Variants in SLC13A3 observed in about 807,000 individuals in gnomAD.
SLC13A3 encodes Na(+)/dicarboxylate cotransporter 3.
A neutral mutation model predicts 59.0 loss-of-function variants in SLC13A3; 40 were observed. The observed-to-expected ratio is 0.68, with a 90% CI of 0.53 to 0.88. The LOEUF (loss-of-function observed/expected upper bound fraction) is 0.88, where lower values mean the gene tolerates loss of function less well. SLC13A3 is among the 40% of genes least tolerant of loss of function. The pLI, the probability that SLC13A3 is intolerant of heterozygous loss-of-function variation, is 0.00. For missense variants in SLC13A3, 699 were observed against 783.2 expected, an observed-to-expected ratio of 0.89 and a Z score of 1.28; for synonymous variants, 317 against 330.3, an observed-to-expected ratio of 0.96 and a Z score of 0.44.
intron 10 of SLC13A3, among the ~76,000 whole-genome samples, chr20:46,571,223 C>T (rs2062026200): frequency 6.6e-6 from 1 of 152,166 alleles, no homozygotes; most frequent in Admixed American, 6.5e-5. Flanking sequence ...ATGGGAACTA[C>T]ACAATTCAGG....
At chr20:46,580,153 G>A (rs563477670) in intron 9 of SLC13A3, among the ~76,000 whole-genome samples, 208 of 152,118 alleles carry the variant, frequency 1.4e-3, no homozygotes, top group African/African-American at 4.1e-3. Context: ...ACAGGGTTTC[G>A]CCATGTTGGC....
chr20:46,613,350 C>T (rs1176277329), intron 2 of SLC13A3, 110 bp downstream of exon 2: 17 of 653,848 alleles, frequency 2.6e-5, no homozygotes, highest in Admixed American at 7.1e-5. Flanking sequence ...TGGTGGGAAC[C>T]GATGAGTTTC....
chr20:46,594,444 C>T (rs1285239456), intron 5 of SLC13A3, among the ~76,000 whole-genome samples: 1 of 152,118 alleles, frequency 6.6e-6, no homozygotes, highest in Non-Finnish European at 1.5e-5. Context: ...CCAACCTAGG[C>T]TCTGCTCTCC....
chr20:46,593,566 AATAAGT>A (rs1600531283), intron 5 of SLC13A3, among the ~76,000 whole-genome samples: 1 of 152,206 alleles, frequency 6.6e-6, no homozygotes, highest in East Asian at 1.9e-4. Context: ...TTCTACAATG[AATAAGT>A]ATACCTCTAT....
At chr20:46,683,338 T>C (rs114433896) in intron 1 of SLC13A3, among the ~76,000 whole-genome samples, 2,145 of 152,224 alleles carry the variant, frequency 0.014, 47 homozygotes, top group African/African-American at 0.049. Flanking sequence ...GCTGTGCCAA[T>C]AGAGAAGGGC....
chr20:46,631,473 G>A (rs1320156271), intron 1 of SLC13A3, among the ~76,000 whole-genome samples: 8 of 152,176 alleles, frequency 5.3e-5, no homozygotes, highest in Non-Finnish European at 7.3e-5. Context: ...AGACCATTGT[G>A]CCCTGGGCTT....
intron 10 of SLC13A3, among the ~76,000 whole-genome samples, chr20:46,571,347 A>C (rs982479747): frequency 2.6e-5 from 4 of 152,198 alleles, no homozygotes; most frequent in African/African-American, 9.7e-5. Flanking sequence ...CTATCACCGC[A>C]ACATATTTGT....
upstream of SLC13A3, among the ~76,000 whole-genome samples, chr20:46,673,510 T>A (rs949345699): frequency 9.2e-5 from 14 of 152,098 alleles, no homozygotes; most frequent in African/African-American, 3.4e-4. Context: ...TCTGCCTGGA[T>A]CTCCCTGTGC....
At chr20:46,667,854 G>T (rs1340913971) in intron 1 of SLC13A3, among the ~76,000 whole-genome samples, 1 of 152,108 alleles carries the variant, frequency 6.6e-6, no homozygotes, top group African/African-American at 2.4e-5. Flanking sequence ...ATGTTTCTAG[G>T]TCACATTTTG....
At chr20:46,665,663 C>T (rs1258425639) in intron 1 of SLC13A3, among the ~76,000 whole-genome samples, 1 of 152,172 alleles carries the variant, frequency 6.6e-6, no homozygotes, top group Non-Finnish European at 1.5e-5. Context: ...CACATTTGGA[C>T]CGTTTGAACT....
At position 46,613,653 on chromosome 20, in the gene SLC13A3, T is replaced by C. The variant is rs1373858183; in HGVS notation, c.184A>G (p.Thr62Ala). 2.2e-5 allele frequency: 36 copies of C among 1,612,296 alleles called. No homozygotes were observed. Among genetic ancestry groups the C allele is most frequent in the Non-Finnish European group, 2.9e-5 (34 of 1,179,340 alleles). Residue 62 changes from threonine to alanine, a missense_variant, in exon 2 of 13, where the codon ACG (threonine) becomes GCG (alanine). Transcript: ENST00000279027. The part of the protein sequence containing the change: ...WCTEALPLSV[T>A]ALLPIVLFPF... ...AAGAGGACGATGGGCAGCAGCGCCG[T>C]CACTGAGAGCGGCAGGGCCTCCGTG... is the stretch of plus-strand genomic sequence containing the variant.
chr20:46,581,524 T>C (rs1025707159), intron 9 of SLC13A3, among the ~76,000 whole-genome samples: 35 of 151,468 alleles, frequency 2.3e-4, no homozygotes, highest in African/African-American at 8.3e-4. Flanking sequence ...TGGGCTGAAG[T>C]TGGGTGAGGA....
At chr20:46,563,978 C>T (rs964389571) in intron 11 of SLC13A3, among the ~76,000 whole-genome samples, 2 of 152,226 alleles carry the variant, frequency 1.3e-5, no homozygotes, top group African/African-American at 4.8e-5. Context: ...GCCCACATGG[C>T]TGGCCCCACC....
chr20:46,559,554 G>C lies in SLC13A3; in HGVS notation c.*468C>G, dbSNP rs2061913109. On this transcript the variant is annotated 3_prime_UTR_variant, in exon 13 of 13. Transcript: ENST00000279027. ...CAAAATCACACACTGGTTGTGAACA[G>C]CTGGAACAACTGGGTTGGAACATTG... is the stretch of plus-strand genomic sequence containing the variant. The C allele has an allele frequency of 6.5e-6, 1 of 153,098 alleles. No homozygotes were observed. Among genetic ancestry groups the C allele is most frequent in the Non-Finnish European group, 1.5e-5 (1 of 68,660 alleles). 9.5% of individuals were successfully genotyped at this position (153,098 alleles called of 1,614,324 possible). A position where few individuals can be genotyped will look rare whatever the true frequency, so the allele number is the denominator to read the frequency against.
upstream of SLC13A3, among the ~76,000 whole-genome samples, chr20:46,671,230 A>T (rs2063089547): frequency 6.6e-6 from 1 of 152,260 alleles, no homozygotes. Context: ...CTGAAGCGGG[A>T]ATACAAGTTC....
chr20:46,670,559 A>G (rs2063085300), upstream of SLC13A3, among the ~76,000 whole-genome samples: 1 of 152,196 alleles, frequency 6.6e-6, no homozygotes, highest in Admixed American at 6.5e-5. Flanking sequence ...TTGGCAGCCA[A>G]TGTCACACCA....
upstream of SLC13A3, among the ~76,000 whole-genome samples, chr20:46,655,912 ATT>A (rs2122899237): frequency 7.0e-6 from 1 of 142,644 alleles, no homozygotes; most frequent in Admixed American, 7.2e-5. Flanking sequence ...TGTACAGTAT[ATT>A]ATATATACGT....
At chr20:46,620,437 G>A (rs1374720902) in intron 1 of SLC13A3, among the ~76,000 whole-genome samples, 3 of 152,132 alleles carry the variant, frequency 2.0e-5, no homozygotes, top group South Asian at 2.1e-4. Flanking sequence ...AGGATAGTTC[G>A]AAAACAGCCC....
At chr20:46,654,839 C>T (rs190215561), upstream of SLC13A3, among the ~76,000 whole-genome samples, 2 of 152,282 alleles carry the variant, frequency 1.3e-5, no homozygotes, top group East Asian at 3.9e-4. Context: ...CCAAGAACTT[C>T]CTTTAATCAT....
Sources: allele counts gnomAD v4.1 joint callset (sites outside exome capture counted in the v4.1 genomes callset), GRCh38; gene constraint gnomAD v4.1.1; transcripts MANE v1.5; gene names NCBI Gene and HGNC (gene_info 2026-07-23, HGNC 2026-07-21).